DDX60L: variants seen among roughly 807,000 people sequenced by gnomAD.
DDX60L encodes probable ATP-dependent RNA helicase DDX60-like.
DDX60L carries 191 observed loss-of-function variants against 211.6 expected under a neutral mutation model. The observed-to-expected ratio is 0.90, with a 90% CI of 0.80 to 1.02. DDX60L has a LOEUF of 1.02. DDX60L is among the 50% of genes least tolerant of loss of function. DDX60L has a pLI of 0.00. For synonymous variants in DDX60L, 706 were observed against 694.1 expected (o/e 1.02, Z -0.27); for missense variants, 2,007 against 1,984.1 (o/e 1.01, Z -0.22).
rs1177509977 is a variant in DDX60L at position 168,370,515 on chromosome 4, T to C, written c.4928+1097A>G. Reference sequence around the variant, plus strand: ...AGGAGGAATAAGTTCTAGTGTTTTATTGCACAGTAAGGTACGTATAGTTAA... The same window carrying C: ...AGGAGGAATAAGTTCTAGTGTTTTACTGCACAGTAAGGTACGTATAGTTAA... On this transcript the variant is annotated intron_variant, in intron 36 of 37. Transcript: ENST00000682922. Among the ~76,000 whole-genome samples the C allele has an allele frequency of 1.3e-5, 2 of 152,044 alleles. 1 individual carries two copies. Among genetic ancestry groups the C allele is most frequent in the African/African-American group, 4.8e-5 (2 of 41,412 alleles).
intron 9 of DDX60L, among the ~76,000 whole-genome samples, 192 bp downstream of exon 9, chr4:168,448,446 G>T (rs544994355): frequency 6.6e-6 from 1 of 152,086 alleles, no homozygotes; most frequent in Non-Finnish European, 1.5e-5. Flanking sequence ...TCATATCATA[G>T]CATATCATAT....
intron 13 of DDX60L, 49 bp from the exon 14 acceptor site, chr4:168,427,371 A>T: frequency 1.3e-6 from 2 of 1,575,344 alleles, no homozygotes; most frequent in African/African-American, 1.4e-5. Flanking sequence ...AAATTCCATT[A>T]TGACATTTCA....
intron 22 of DDX60L, among the ~76,000 whole-genome samples, chr4:168,411,369 C>T (rs1433879926): frequency 6.6e-6 from 1 of 152,206 alleles, no homozygotes; most frequent in Non-Finnish European, 1.5e-5. Flanking sequence ...CCCACATCCT[C>T]CAGCAGTGGC....
chr4:168,465,659 A>G (rs1757899604), intron 4 of DDX60L, among the ~76,000 whole-genome samples: 7 of 152,080 alleles, frequency 4.6e-5, no homozygotes, highest in Admixed American at 4.6e-4. Flanking sequence ...TCCATTTTGA[A>G]TTGATTTTTT....
Position 168,362,516 on chromosome 4 carries a change from T to C in DDX60L, c.4929-1305A>G, listed in dbSNP as rs531052657. ...CCTCACTTCTCTGGAGAGTCCACCA[T>C]ACAGCCTGCTGGCACACTGAACCAA... On this transcript the variant is annotated intron_variant, in intron 36 of 37. Transcript: ENST00000682922. 2.0e-4 allele frequency among the ~76,000 whole-genome samples: 31 copies of C among 152,258 alleles called. No individual in the cohort carries two copies. The East Asian group carries it at 5.2e-3, about 26-fold the overall frequency.
intron 4 of DDX60L, chr4:168,470,156 C>G (rs970613474): frequency 3.9e-5 from 6 of 152,236 alleles, no homozygotes; most frequent in African/African-American, 1.2e-4. Flanking sequence ...AATGGCTGGA[C>G]TGACCAAATA....
Position 168,423,620 on chromosome 4 carries a change from C to A in DDX60L, c.2085G>T (p.Leu695Phe). Residue 695 changes from leucine (L) to phenylalanine (F), a missense_variant, in exon 15 of 38, where the codon TTG becomes TTT. Physicochemically the swap from Leu to Phe is conservative, Grantham distance 22. Transcript: ENST00000682922. Reference protein sequence around the residue: ...YLGFNDLANSLDPTLIGDDKN... With the variant: ...YLGFNDLANSFDPTLIGDDKN... ...CTAGTTCTCTTACCAGAGTTGGATC[C>A]AAAGAGTTTGCCAGATCATTAAAGC... The A allele has an allele frequency of 6.4e-7, 1 of 1,571,516 alleles. No homozygotes were observed. Among genetic ancestry groups the A allele is most frequent in the East Asian group, 2.3e-5 (1 of 43,802 alleles).
At chr4:168,370,051 CA>C (rs1740735878) in intron 36 of DDX60L, among the ~76,000 whole-genome samples, 2 of 152,176 alleles carry the variant, frequency 1.3e-5, no homozygotes, top group East Asian at 3.9e-4. Flanking sequence ...ACGATAAGAT[CA>C]AGCAATCCCA....
At chr4:168,385,980 T>C (rs933128894) in intron 29 of DDX60L, among the ~76,000 whole-genome samples, 2 of 148,980 alleles carry the variant, frequency 1.3e-5, no homozygotes, top group Admixed American at 1.3e-4. Context: ...GATAGAGGGA[T>C]AGAGGGAGGG....
At chr4:168,457,289 C>CAT (rs1561114381) in intron 6 of DDX60L, among the ~76,000 whole-genome samples, 2 of 145,722 alleles carry the variant, frequency 1.4e-5, no homozygotes, top group African/African-American at 4.9e-5. Flanking sequence ...CACACACACA[C>CAT]ACATACACAC....
chr4:168,464,730 T>C (rs1757756777), intron 4 of DDX60L, among the ~76,000 whole-genome samples: 1 of 152,122 alleles, frequency 6.6e-6, no homozygotes, highest in African/African-American at 2.4e-5. Context: ...TCTGCTCTTC[T>C]AACTATGTGA....
intron 25 of DDX60L, among the ~76,000 whole-genome samples, 161 bp from the exon 26 acceptor site, chr4:168,401,139 A>G (rs1165966218): frequency 1.3e-5 from 2 of 152,180 alleles, no homozygotes; most frequent in Non-Finnish European, 2.9e-5. Context: ...CCCCGATGGG[A>G]AGTAGGGGTT....
intron 25 of DDX60L, among the ~76,000 whole-genome samples, chr4:168,402,738 G>A (rs116346157): frequency 0.015 from 2,318 of 152,192 alleles, 44 homozygotes; most frequent in African/African-American, 0.048. Context: ...GTCCAGATTA[G>A]GGAAGGGAAG....
intron 9 of DDX60L, among the ~76,000 whole-genome samples, chr4:168,446,301 T>G (rs1301025572): frequency 1.3e-5 from 2 of 151,932 alleles, no homozygotes; most frequent in Non-Finnish European, 2.9e-5. Flanking sequence ...GAGAATAAAA[T>G]ACCTAGGAAT....
rs1738310319 is a variant in DDX60L, at chr4:168,357,054, TTATGTTTGTTTG to T, written c.*1081_*1092del. ...TTTGTTATGGTTGCTGTTTGTTCCC[TTATGTTTGTTTG>T]TATGCTTGTTTTTTAAGTATGATAC... is the stretch of plus-strand genomic sequence containing the variant. On this transcript the variant is annotated 3_prime_UTR_variant, in exon 38 of 38. Coordinates refer to ENST00000682922, the MANE Select transcript of DDX60L (RefSeq NM_001012967.3). The T allele has an allele frequency of 6.6e-6, 1 of 152,188 alleles. No homozygotes were observed. The highest frequency in any genetic ancestry group is 1.5e-5 in the Non-Finnish European group (1 of 68,030). The allele number at this position is 152,188 out of a possible 1,614,324, so 9.4% of individuals were successfully genotyped here.
intron 29 of DDX60L, among the ~76,000 whole-genome samples, chr4:168,390,928 C>A (rs971439100): frequency 6.6e-6 from 1 of 151,812 alleles, no homozygotes; most frequent in South Asian, 2.1e-4. Flanking sequence ...AGTAACATTT[C>A]TCACTCCAGA....
intron 36 of DDX60L, among the ~76,000 whole-genome samples, chr4:168,370,185 G>C (rs1381315733): frequency 1.3e-5 from 2 of 151,998 alleles, no homozygotes; most frequent in African/African-American, 4.8e-5. Context: ...TCCAACAGTG[G>C]ATGAACAGAT....
At position 168,427,203 on chromosome 4, in the gene DDX60L, G is replaced by C; in HGVS notation, c.1797C>G (p.Asn599Lys). 1.2e-6 allele frequency: 2 copies of C among 1,613,398 alleles called. No homozygotes were observed. The highest frequency in any genetic ancestry group is 1.7e-6 in the Non-Finnish European group (2 of 1,179,590). ...ATTTCCTTATTCCAGAATGTAAATT[G>C]TTCTTCATCTCCTCTTCAATAGAAA... ...LLFSIEEEMK[N>K]NLHSGIRKLE... The change falls in exon 14 of 38, where the codon AAC (asparagine) becomes AAG (lysine). Residue 599 changes from asparagine to lysine, a missense_variant. Transcript: ENST00000682922.
chr4:168,472,759 T>C lies in DDX60L; in HGVS notation c.-60A>G. The stretch of plus-strand genomic sequence containing the variant: ...AGAGCTGGAATTTATTAAATATGGC[T>C]GATTTATTTTGACACCTCTAAAATG... On this transcript the variant is annotated 5_prime_UTR_variant, in exon 2 of 38. Transcript: ENST00000682922. The C allele has an allele frequency of 6.3e-7, 1 of 1,585,662 alleles. No individual in the cohort carries two copies. The highest frequency in any genetic ancestry group is 1.4e-5 in the African/African-American group (1 of 73,886).
Sources: allele counts gnomAD v4.1 joint callset (sites outside exome capture counted in the v4.1 genomes callset), GRCh38; gene constraint gnomAD v4.1.1; transcripts MANE v1.5; gene names NCBI Gene and HGNC (gene_info 2026-07-23, HGNC 2026-07-21).